Variants in N4BP2 observed in about 807,000 individuals in gnomAD.
The protein encoded by N4BP2 is NEDD4 binding protein 2.
In N4BP2, 91 loss-of-function variants were observed where a neutral mutation model predicts 152.8. That is an observed-to-expected ratio of 0.60 (90% CI 0.50 to 0.71). N4BP2 has a LOEUF of 0.71. N4BP2 is among the 30% of genes least tolerant of loss of function. The probability of loss-of-function intolerance (pLI) is 0.00; values close to 1 mark genes in which losing one functional copy is unlikely to be tolerated. For synonymous variants in N4BP2, 646 were observed against 705.3 expected, an observed-to-expected ratio of 0.92 and a Z score of 1.33; for missense variants, 1,923 against 2,059.1, an observed-to-expected ratio of 0.93 and a Z score of 1.28.
At chr4:40,167,060 A>G in the N4BP2 span, 1 of 152,228 alleles carries the variant, frequency 6.6e-6, no homozygotes, top group Non-Finnish European at 1.5e-5. Flanking sequence ...ATGTATTTTA[A>G]TATGTTTCTC....
the N4BP2 span, among the ~76,000 whole-genome samples, chr4:40,176,814 A>T: frequency 4.6e-5 from 7 of 152,218 alleles, no homozygotes; most frequent in African/African-American, 1.7e-4. Context: ...TGTTTGCAGC[A>T]GGGAGGAACC....
chr4:40,066,428 C>T (rs1334963576), intron 1 of N4BP2, among the ~76,000 whole-genome samples: 2 of 150,096 alleles, frequency 1.3e-5, no homozygotes, highest in Admixed American at 6.7e-5. Flanking sequence ...AAGCAATTCT[C>T]TTGCCTCAGT....
At chr4:40,179,856 C>T in the N4BP2 span, among the ~76,000 whole-genome samples, 8 of 150,532 alleles carry the variant, frequency 5.3e-5, no homozygotes, top group Admixed American at 4.0e-4. Context: ...CCTCCACCTC[C>T]TGGGTTCAAG....
intron 1 of N4BP2, among the ~76,000 whole-genome samples, chr4:40,066,597 G>C (rs527572476): frequency 5.3e-5 from 8 of 152,156 alleles, no homozygotes; most frequent in Admixed American, 5.2e-4. Flanking sequence ...TGGGATTACA[G>C]GTGTGAGCCA....
Position 40,112,110 on chromosome 4 carries a change from T to G in N4BP2, c.1525T>G (p.Ser509Ala). 1 of 1,557,100 alleles carries G rather than the reference T, an allele frequency of 6.4e-7. No individual in the cohort carries two copies. Among genetic ancestry groups the G allele is most frequent in the South Asian group, 1.2e-5 (1 of 84,272 alleles). ...RAKEAFEKKI[S>A]PIIIDNTNLQ... The stretch of plus-strand genomic sequence containing the variant: ...AAAAGAAGCATTTGAGAAGAAGATA[T>G]CTCCTATAATTATAGATAATACAAA... The change falls in exon 6 of 18, where the codon TCT becomes GCT. Residue 509 changes from serine (S) to alanine (A), a missense_variant. Ser to Ala is a moderately conservative substitution (Grantham distance 99, BLOSUM62 1). Coordinates refer to ENST00000261435, the MANE Select transcript of N4BP2 (RefSeq NM_018177.6).
intron 16 of N4BP2, among the ~76,000 whole-genome samples, chr4:40,149,382 A>G (rs956467542): frequency 6.6e-6 from 1 of 152,232 alleles, no homozygotes; most frequent in African/African-American, 2.4e-5. Context: ...ATGTAAATCT[A>G]GAGAGACAAA....
intron 16 of N4BP2, among the ~76,000 whole-genome samples, chr4:40,152,123 C>G (rs1418098130): frequency 6.6e-6 from 1 of 152,170 alleles, no homozygotes; most frequent in Non-Finnish European, 1.5e-5. Context: ...AACTATCTAT[C>G]AGGAAAAGTT....
downstream of N4BP2, among the ~76,000 whole-genome samples, chr4:40,161,677 G>A (rs1248219213): frequency 2.0e-5 from 3 of 152,188 alleles, no homozygotes; most frequent in East Asian, 1.9e-4. Context: ...ATAAGATGGA[G>A]CAAGTGGCTG....
intron 2 of N4BP2, chr4:40,077,941 C>G (rs931913799): frequency 6.6e-6 from 1 of 151,998 alleles, no homozygotes; most frequent in Non-Finnish European, 1.5e-5. Context: ...GGCCTCTGTG[C>G]AAGGATATGA....
chr4:40,144,626 A>T lies in N4BP2; in HGVS notation c.4975-6A>T. ...ACTGTCCCTTGGTGATATGTTTATG[A>T]TTTAGGGTACTCTTCATGAGCAGAA... is the stretch of plus-strand genomic sequence containing the variant. On this transcript the variant is annotated splice_polypyrimidine_tract_variant and splice_region_variant and intron_variant, in intron 15 of 17. Coordinates refer to ENST00000261435, the MANE Select transcript of N4BP2 (RefSeq NM_018177.6). 1 of 1,604,756 alleles carries T rather than the reference A, an allele frequency of 6.2e-7. No homozygotes were observed. The highest frequency in any genetic ancestry group is 8.5e-7 in the Non-Finnish European group (1 of 1,175,466).
intron 1 of N4BP2, 190 bp downstream of exon 1, chr4:40,057,220 C>G (rs928837316): frequency 2.6e-5 from 4 of 152,244 alleles, no homozygotes; most frequent in Non-Finnish European, 4.4e-5. Flanking sequence ...CCCGGCTGCC[C>G]GGACGGAAGG....
intron 5 of N4BP2, among the ~76,000 whole-genome samples, chr4:40,108,909 C>T (rs527487299): frequency 9.2e-5 from 14 of 151,516 alleles, no homozygotes; most frequent in Non-Finnish European, 1.6e-4. Context: ...GTCTGCCTCC[C>T]GGGTTTAAGC....
At chr4:40,085,929 G>C (rs537192412) in intron 2 of N4BP2, among the ~76,000 whole-genome samples, 2 of 152,130 alleles carry the variant, frequency 1.3e-5, no homozygotes, top group South Asian at 4.1e-4. Context: ...GGGAGGCTGA[G>C]GCAGGAGGAA....
intron 2 of N4BP2, among the ~76,000 whole-genome samples, chr4:40,086,971 A>C (rs1367502502): frequency 6.6e-6 from 1 of 151,110 alleles, no homozygotes; most frequent in Admixed American, 6.6e-5. Context: ...CTGGTTTCGA[A>C]CTCCTGGACT....
intron 2 of N4BP2, among the ~76,000 whole-genome samples, chr4:40,075,228 ACT>A (rs1388946012): frequency 6.6e-6 from 1 of 152,056 alleles, no homozygotes; most frequent in Non-Finnish European, 1.5e-5. Flanking sequence ...ATACCGACTG[ACT>A]CTAAATTAAG....
At chr4:40,130,252 A>T (rs970486148) in intron 12 of N4BP2, among the ~76,000 whole-genome samples, 4 of 151,680 alleles carry the variant, frequency 2.6e-5, no homozygotes, top group African/African-American at 9.7e-5. Flanking sequence ...CTGGTCTCGA[A>T]CTCCTGGGCT....
At chr4:40,061,921 T>C (rs951134102) in intron 1 of N4BP2, among the ~76,000 whole-genome samples, 1 of 152,170 alleles carries the variant, frequency 6.6e-6, no homozygotes, top group African/African-American at 2.4e-5. Context: ...TGCCTCGGCC[T>C]CCCAAAGTGC....
At chr4:40,125,886 CA>C (rs34106957) in intron 11 of N4BP2, among the ~76,000 whole-genome samples, 30,823 of 103,210 alleles carry the variant, frequency 0.3, 3,235 homozygotes, top group South Asian at 0.4. Context: ...GACTCCGTCT[CA>C]AAAAAAAAAA....
At chr4:40,183,434 T>C in the N4BP2 span, among the ~76,000 whole-genome samples, 33 of 151,848 alleles carry the variant, frequency 2.2e-4, no homozygotes, top group East Asian at 2.1e-3. Flanking sequence ...CTCCCGGGTT[T>C]ACGCCATTCT....
Sources: gnomAD v4.1 joint callset for allele counts (sites outside exome capture counted in the v4.1 genomes callset) on GRCh38, gnomAD v4.1.1 for gene constraint, MANE v1.5 for transcripts, NCBI Gene and HGNC (gene_info 2026-07-23, HGNC 2026-07-21) for gene names.